The following CNTN4 variants were observed in gnomAD, a reference collection of about 807,000 sequenced individuals.
CNTN4 encodes the protein contactin-4.
CNTN4 carries 77 observed loss-of-function variants against 122.5 expected under a neutral mutation model. The observed-to-expected ratio is 0.63, with a 90% CI of 0.52 to 0.76. The LOEUF (loss-of-function observed/expected upper bound fraction) is 0.76, where lower values mean the gene tolerates loss of function less well. Ranked by LOEUF, CNTN4 falls within the 30% of genes least tolerant of loss-of-function variation. The pLI, the probability that CNTN4 is intolerant of heterozygous loss-of-function variation, is 0.00. For synonymous variants in CNTN4, 512 were observed against 447.0 expected (o/e 1.15, Z -1.83); for missense variants, 1,256 against 1,259.1 (o/e 1.00, Z 0.04).
rs2094357014 is a variant in CNTN4 at position 2,916,483 on chromosome 3, GACACA to G, written c.1208-9140_1208-9136del. On this transcript the variant is annotated intron_variant, in intron 12 of 24. Transcript: ENST00000418658. ...CCCTTAATCCATTTAACCCTGAGTG[GACACA>G]ACACATGTTTCAGAGAGCACGGGGT... Among the ~76,000 whole-genome samples the G allele has an allele frequency of 2.0e-5, 3 of 149,208 alleles. No homozygotes were observed. The South Asian group carries it at 6.6e-4, about 33-fold the overall frequency.
intron 2 of CNTN4, among the ~76,000 whole-genome samples, chr3:2,113,740 T>C (rs2033136648): frequency 6.6e-6 from 1 of 152,206 alleles, no homozygotes; most frequent in African/African-American, 2.4e-5. Flanking sequence ...ATAGTCAATA[T>C]GAATGGAATA....
At chr3:2,686,933 C>T (rs981394127) in intron 4 of CNTN4, among the ~76,000 whole-genome samples, 2 of 152,104 alleles carry the variant, frequency 1.3e-5, no homozygotes, top group African/African-American at 4.8e-5. Context: ...AGTGGAGATG[C>T]TTTGGAGGTC....
chr3:2,617,668 G>C (rs528656816), intron 4 of CNTN4, among the ~76,000 whole-genome samples: 1 of 151,956 alleles, frequency 6.6e-6, no homozygotes, highest in African/African-American at 2.4e-5. Flanking sequence ...TGATCCGCCT[G>C]TCTCGGCCTC....
At chr3:2,209,710 G>GCTCTATT (rs2038522981) in intron 2 of CNTN4, among the ~76,000 whole-genome samples, 2 of 152,078 alleles carry the variant, frequency 1.3e-5, no homozygotes, top group Admixed American at 6.6e-5. Context: ...TTTTGTAGTA[G>GCTCTATT]CTCTATTGAT....
intron 21 of CNTN4, 144 bp downstream of exon 21, chr3:3,042,566 G>A (rs1184610146): frequency 1.2e-5 from 8 of 691,872 alleles, no homozygotes; most frequent in African/African-American, 8.9e-5. Context: ...AACATTAATG[G>A]AAGCATTGAA....
intron 4 of CNTN4, among the ~76,000 whole-genome samples, chr3:2,703,984 G>A (rs2086503747): frequency 6.6e-6 from 1 of 151,988 alleles, no homozygotes; most frequent in Non-Finnish European, 1.5e-5. Flanking sequence ...AAAGAACTAG[G>A]CTTCTTTCCA....
At chr3:2,973,068 C>G (rs17023871) in intron 13 of CNTN4, among the ~76,000 whole-genome samples, 4,070 of 152,094 alleles carry the variant, frequency 0.027, 133 homozygotes, top group African/African-American at 0.067. Flanking sequence ...GAACCCATTA[C>G]CTGTGCGACT....
intron 3 of CNTN4, among the ~76,000 whole-genome samples, chr3:2,354,791 C>G (rs1470239770): frequency 1.3e-5 from 2 of 152,134 alleles, no homozygotes; most frequent in Non-Finnish European, 2.9e-5. Flanking sequence ...TGCCAGCTCT[C>G]CCTGCCACCT....
At chr3:2,241,592 G>T (rs1052001867) in intron 2 of CNTN4, among the ~76,000 whole-genome samples, 1 of 152,156 alleles carries the variant, frequency 6.6e-6, no homozygotes, top group Non-Finnish European at 1.5e-5. Flanking sequence ...TCAGATGTCT[G>T]CAGTCAGAAC....
intron 4 of CNTN4, among the ~76,000 whole-genome samples, chr3:2,641,067 C>T (rs1169855661): frequency 6.6e-6 from 1 of 152,096 alleles, no homozygotes; most frequent in Admixed American, 6.5e-5. Context: ...TGCCAGATCA[C>T]CCATTAAAAG....
chr3:2,818,319 C>T (rs78514827), intron 6 of CNTN4, among the ~76,000 whole-genome samples: 1,740 of 152,320 alleles, frequency 0.011, 18 homozygotes, highest in Non-Finnish European at 0.019. Context: ...CTCCTTGAAA[C>T]TAAGCCTGAG....
chr3:2,276,777 G>A (rs1035068839), intron 2 of CNTN4, among the ~76,000 whole-genome samples: 2 of 152,040 alleles, frequency 1.3e-5, no homozygotes, highest in Non-Finnish European at 2.9e-5. Flanking sequence ...TTAGATGGGC[G>A]TGGTGGCGCG....
At position 2,887,104 on chromosome 3, in the gene CNTN4, C is replaced by T; in HGVS notation, c.820C>T (p.His274Tyr). 3.7e-6 allele frequency: 6 copies of T among 1,614,126 alleles called. No homozygotes were observed. Among genetic ancestry groups the T allele is most frequent in the Non-Finnish European group, 5.1e-6 (6 of 1,180,002 alleles). The change falls in exon 10 of 25, where the codon CAC (histidine) becomes TAC (tyrosine). Residue 274 changes from histidine to tyrosine, a missense_variant. Coordinates refer to ENST00000418658, the MANE Select transcript of CNTN4 (RefSeq NM_175607.3). ...GCCAATAGCAAGGAAAGCCAGAAGA[C>T]ACAAGTCAAATGGAATTCTTGAGAT... Reference protein sequence around the residue: ...GKPIARKARRHKSNGILEIPN... With the variant: ...GKPIARKARRYKSNGILEIPN...
intron 2 of CNTN4, among the ~76,000 whole-genome samples, chr3:2,162,295 T>A (rs72622124): frequency 0.1 from 15,438 of 152,284 alleles, 1,216 homozygotes; most frequent in East Asian, 0.32. Flanking sequence ...TTACTAAAAA[T>A]AATTTCTTAT....
chr3:2,744,334 AC>A (rs1290196276), intron 5 of CNTN4, among the ~76,000 whole-genome samples: 1 of 150,560 alleles, frequency 6.6e-6, no homozygotes, highest in Non-Finnish European at 1.5e-5. Context: ...CAACCACAGT[AC>A]CCAAGAATGT....
At chr3:2,793,055 G>A (rs1468939048) in intron 6 of CNTN4, among the ~76,000 whole-genome samples, 2 of 152,128 alleles carry the variant, frequency 1.3e-5, no homozygotes, top group African/African-American at 4.8e-5. Flanking sequence ...AAGTTCAGTT[G>A]CTGAATTATT....
At chr3:2,960,364 A>G (rs2094840343) in intron 13 of CNTN4, among the ~76,000 whole-genome samples, 1 of 152,076 alleles carries the variant, frequency 6.6e-6, no homozygotes, top group Non-Finnish European at 1.5e-5. Context: ...CAAGAGCCAT[A>G]CTTTAGATAA....
At chr3:2,612,189 C>A (rs374876363) in intron 4 of CNTN4, among the ~76,000 whole-genome samples, 10 of 151,728 alleles carry the variant, frequency 6.6e-5, no homozygotes, top group Admixed American at 5.9e-4. Flanking sequence ...TCCCGATAAA[C>A]CCATCATAAG....
intron 4 of CNTN4, among the ~76,000 whole-genome samples, chr3:2,608,043 A>T (rs2081332289): frequency 6.6e-6 from 1 of 152,068 alleles, no homozygotes; most frequent in Admixed American, 6.6e-5. Context: ...CTTAATTTAG[A>T]CGTTTAGGTT....
Sources: gnomAD v4.1 joint callset for allele counts (sites outside exome capture counted in the v4.1 genomes callset) on GRCh38, gnomAD v4.1.1 for gene constraint, MANE v1.5 for transcripts, NCBI Gene and HGNC (gene_info 2026-07-23, HGNC 2026-07-21) for gene names.